The following CNTNAP5 variants were observed in gnomAD, a reference collection of about 807,000 sequenced individuals.
The protein encoded by CNTNAP5 is contactin associated protein family member 5.
In CNTNAP5, 72 loss-of-function variants were observed where a neutral mutation model predicts 150.2. That is an observed-to-expected ratio of 0.48 (90% confidence interval 0.40 to 0.58). CNTNAP5 has a LOEUF of 0.58. CNTNAP5 is among the 20% of genes least tolerant of loss of function. CNTNAP5 has a pLI of 0.00. For synonymous variants in CNTNAP5, 672 were observed against 619.8 expected (o/e 1.08, Z -1.25); for missense variants, 1,636 against 1,626.2 (o/e 1.01, Z -0.10).
chr2:124,706,551 A>AGCTTG (rs1553433461), intron 13 of CNTNAP5, among the ~76,000 whole-genome samples: 1 of 151,946 alleles, frequency 6.6e-6, no homozygotes, highest in African/African-American at 2.4e-5. Context: ...GTTCAAGACC[A>AGCTTG]GCTTGGCCAA....
chr2:124,890,642 T>C (rs1159532806), intron 21 of CNTNAP5, among the ~76,000 whole-genome samples: 1 of 152,158 alleles, frequency 6.6e-6, no homozygotes, highest in Non-Finnish European at 1.5e-5. Context: ...ATTTGCTTGA[T>C]GCCAACAATA....
intron 3 of CNTNAP5, among the ~76,000 whole-genome samples, chr2:124,251,676 A>T (rs929522724): frequency 6.6e-6 from 1 of 152,160 alleles, no homozygotes; most frequent in African/African-American, 2.4e-5. Context: ...ATGCATGGAC[A>T]GGTACAAAAT....
chr2:124,856,931 C>T (rs1036009318), intron 19 of CNTNAP5, among the ~76,000 whole-genome samples: 3 of 152,102 alleles, frequency 2.0e-5, no homozygotes, highest in East Asian at 1.9e-4. Context: ...GCATGAGGTC[C>T]TGGGGGTCAA....
chr2:124,788,787 C>G (rs1428008115), intron 17 of CNTNAP5, among the ~76,000 whole-genome samples: 2 of 151,940 alleles, frequency 1.3e-5, no homozygotes, highest in African/African-American at 2.4e-5. Flanking sequence ...TGCCTACCAC[C>G]ATACCTGACT....
At chr2:124,670,213 C>T (rs1369901577) in intron 13 of CNTNAP5, among the ~76,000 whole-genome samples, 3 of 100,440 alleles carry the variant, frequency 3.0e-5, no homozygotes, top group Non-Finnish European at 6.3e-5. Context: ...TTCCTTCTTT[C>T]CCTCTTTCTT....
chr2:124,529,112 T>C (rs1464054490), intron 10 of CNTNAP5, among the ~76,000 whole-genome samples: 1 of 151,956 alleles, frequency 6.6e-6, no homozygotes, highest in Non-Finnish European at 1.5e-5. Context: ...AAATATGTGC[T>C]TCATTAAAAT....
At chr2:124,506,176 A>G (rs567120174) in intron 8 of CNTNAP5, among the ~76,000 whole-genome samples, 1 of 145,834 alleles carries the variant, frequency 6.9e-6, no homozygotes, top group Non-Finnish European at 1.5e-5. Context: ...CTGCAGTTAG[A>G]AGCAGACTTT....
intron 1 of CNTNAP5, among the ~76,000 whole-genome samples, chr2:124,175,781 C>A (rs1300156871): frequency 1.3e-5 from 2 of 152,168 alleles, no homozygotes; most frequent in Non-Finnish European, 2.9e-5. Context: ...TTTATGGCTG[C>A]AAAATATTCC....
At chr2:124,307,964 C>T (rs1366856128) in intron 3 of CNTNAP5, among the ~76,000 whole-genome samples, 1 of 152,164 alleles carries the variant, frequency 6.6e-6, no homozygotes, top group African/African-American at 2.4e-5. Context: ...TCATTCACAA[C>T]AACTTTACAG....
intron 3 of CNTNAP5, among the ~76,000 whole-genome samples, chr2:124,345,193 A>G (rs1405547365): frequency 6.6e-6 from 1 of 152,150 alleles, no homozygotes; most frequent in Admixed American, 6.5e-5. Context: ...CAGTCCTTAG[A>G]CTTTAAGCCA....
At chr2:124,069,938 C>A (rs1022082621) in intron 1 of CNTNAP5, among the ~76,000 whole-genome samples, 1 of 151,894 alleles carries the variant, frequency 6.6e-6, no homozygotes, top group African/African-American at 2.4e-5. Flanking sequence ...TTAAGTAGAA[C>A]GACTAAAGTA....
At chr2:124,567,305 C>G (rs193175359) in intron 11 of CNTNAP5, among the ~76,000 whole-genome samples, 1 of 152,206 alleles carries the variant, frequency 6.6e-6, no homozygotes, top group Non-Finnish European at 1.5e-5. Flanking sequence ...ATCTTCAGTC[C>G]GTCTTAATTT....
intron 1 of CNTNAP5, among the ~76,000 whole-genome samples, chr2:124,192,977 C>T (rs937150676): frequency 1.4e-4 from 21 of 152,174 alleles, no homozygotes; most frequent in Non-Finnish European, 2.9e-4. Flanking sequence ...TGAGAGAGGA[C>T]CCTTCCTTAT....
At chr2:124,612,605 A>T (rs1224679923) in intron 12 of CNTNAP5, among the ~76,000 whole-genome samples, 3 of 152,148 alleles carry the variant, frequency 2.0e-5, no homozygotes, top group Non-Finnish European at 2.9e-5. Flanking sequence ...TGTTTTGCTG[A>T]TATGATCCTG....
rs565087526 is a variant in CNTNAP5 at position 124,396,311 on chromosome 2, A to C, written c.382-21132A>C. Among the ~76,000 whole-genome samples the C allele has an allele frequency of 5.9e-5, 9 of 152,314 alleles. No homozygotes were observed. The South Asian group carries it at 1.9e-3, about 32-fold the overall frequency. On this transcript the variant is annotated intron_variant, in intron 3 of 23. Coordinates refer to ENST00000682447, the MANE Select transcript of CNTNAP5 (RefSeq NM_001367498.1). ...GTGTTCCTTAACACAGCAAGGTACA[A>C]ATACGTTTATCCAGCGTTAATTCCC...
chr2:124,435,826 A>G (rs1255704468), intron 5 of CNTNAP5, among the ~76,000 whole-genome samples: 2 of 152,148 alleles, frequency 1.3e-5, no homozygotes, highest in Non-Finnish European at 1.5e-5. Flanking sequence ...CATGGTGACT[A>G]TAGGCAGCGG....
chr2:124,552,286 T>C (rs1486911554), intron 10 of CNTNAP5, among the ~76,000 whole-genome samples: 1 of 152,082 alleles, frequency 6.6e-6, no homozygotes, highest in African/African-American at 2.4e-5. Context: ...ACTCGCTGAG[T>C]CTCAGGAGCT....
At chr2:124,356,306 C>CTT (rs201900685) in intron 3 of CNTNAP5, among the ~76,000 whole-genome samples, 16 of 140,012 alleles carry the variant, frequency 1.1e-4, no homozygotes, top group African/African-American at 3.6e-4. Flanking sequence ...ACCTCAACAT[C>CTT]TTTTTTTTTT....
At chr2:124,048,910 G>A (rs1020780465) in intron 1 of CNTNAP5, among the ~76,000 whole-genome samples, 3 of 152,186 alleles carry the variant, frequency 2.0e-5, no homozygotes, top group African/African-American at 4.8e-5. Context: ...ATTTTTATGA[G>A]TGTTATGCAA....
Sources: allele counts gnomAD v4.1 joint callset (sites outside exome capture counted in the v4.1 genomes callset), GRCh38; gene constraint gnomAD v4.1.1; transcripts MANE v1.5; gene names NCBI Gene and HGNC (gene_info 2026-07-23, HGNC 2026-07-21).